The following GADL1 variants were observed in gnomAD, a reference collection of about 807,000 sequenced individuals.
GADL1 encodes GAD like acidic amino acid decarboxylase 1, also known as acidic amino acid decarboxylase GADL1.
A neutral mutation model predicts 69.5 loss-of-function variants in GADL1; 71 were observed. That is an observed-to-expected ratio of 1.02 (90% confidence interval 0.84 to 1.25). GADL1 has a LOEUF of 1.25. Among genes scored for constraint, GADL1 ranks in the 50% most tolerant of loss-of-function variants. The pLI, the probability that GADL1 is intolerant of heterozygous loss-of-function variation, is 0.00. For missense variants in GADL1, 737 were observed against 631.8 expected (o/e 1.17, Z -1.79); for synonymous variants, 254 against 214.4 (o/e 1.18, Z -1.62).
chr3:30,889,853 C>T (rs1698763573), intron 1 of GADL1, among the ~76,000 whole-genome samples: 2 of 152,142 alleles, frequency 1.3e-5, no homozygotes, highest in South Asian at 2.1e-4. Context: ...ACTGCATTCC[C>T]TCCTTGTAAA....
chr3:30,735,227 T>C (rs1319453227), intron 14 of GADL1, among the ~76,000 whole-genome samples: 1 of 152,176 alleles, frequency 6.6e-6, no homozygotes, highest in African/African-American at 2.4e-5. Context: ...TCTACGGCAA[T>C]TGTTTGTTAA....
chr3:30,777,107 C>T (rs947504585), intron 14 of GADL1, among the ~76,000 whole-genome samples: 3 of 152,126 alleles, frequency 2.0e-5, no homozygotes, highest in Non-Finnish European at 4.4e-5. Flanking sequence ...TTCTCAAGGG[C>T]AGAGACACGT....
rs141121731 is a variant in GADL1, at chr3:30,738,308, C to T, written c.1393-9893G>A. 4.2e-3 allele frequency among the ~76,000 whole-genome samples: 644 copies of T among 152,266 alleles called. 4 individuals are homozygous for T. Among genetic ancestry groups the T allele is most frequent in the African/African-American group, 0.015 (620 of 41,568 alleles). ...GGATGGTTGCAATGACTGTGGAGTG[C>T]TACTTGCAGTTAGTGTCTCATGGTT... On this transcript the variant is annotated intron_variant, in intron 14 of 14. Coordinates refer to ENST00000282538, the MANE Select transcript of GADL1 (RefSeq NM_207359.3).
At chr3:30,755,441 TAC>T (rs1446277531) in intron 14 of GADL1, among the ~76,000 whole-genome samples, 44 of 152,184 alleles carry the variant, frequency 2.9e-4, no homozygotes, top group Non-Finnish European at 5.9e-4. Context: ...CTGGAATAAA[TAC>T]AAAGATTATT....
intron 13 of GADL1, among the ~76,000 whole-genome samples, chr3:30,783,903 T>C (rs1261954824): frequency 6.6e-6 from 1 of 152,216 alleles, no homozygotes; most frequent in Non-Finnish European, 1.5e-5. Context: ...AACTTTTTAA[T>C]CGGCCCATCT....
rs375448169 is a variant in GADL1, at chr3:30,767,422, C to T, written c.1392+10757G>A. Among the ~76,000 whole-genome samples the T allele has an allele frequency of 5.3e-3, 807 of 152,046 alleles. 8 individuals carry two copies. The highest frequency in any genetic ancestry group is 0.018 in the African/African-American group (739 of 41,474). On this transcript the variant is annotated intron_variant, in intron 14 of 14. Coordinates refer to ENST00000282538, the MANE Select transcript of GADL1 (RefSeq NM_207359.3). ...TTGGTTCTTGGCACAAAAACAGAAA[C>T]GCAGATCAATAGAACAGATTGGAAA...
At chr3:30,861,288 CTA>C (rs1200792028) in intron 2 of GADL1, among the ~76,000 whole-genome samples, 2 of 151,172 alleles carry the variant, frequency 1.3e-5, no homozygotes, top group Admixed American at 1.3e-4. Flanking sequence ...GGTTACTTAT[CTA>C]TGTTATTATC....
At chr3:30,792,618 A>T (rs1236205183) in intron 12 of GADL1, among the ~76,000 whole-genome samples, 1 of 152,090 alleles carries the variant, frequency 6.6e-6, no homozygotes, top group Non-Finnish European at 1.5e-5. Context: ...GCCATTTGTC[A>T]AGCTGGTTGG....
At chr3:30,762,514 A>G (rs1465623938) in intron 14 of GADL1, among the ~76,000 whole-genome samples, 1 of 152,172 alleles carries the variant, frequency 6.6e-6, no homozygotes, top group Non-Finnish European at 1.5e-5. Context: ...AGGTGTATAT[A>G]ATTCTGGGGG....
At chr3:30,870,385 A>C (rs1698463736) in intron 1 of GADL1, among the ~76,000 whole-genome samples, 1 of 151,790 alleles carries the variant, frequency 6.6e-6, no homozygotes, top group East Asian at 1.9e-4. Context: ...AGCAATCAAT[A>C]AGCTGGCTTC....
intron 1 of GADL1, among the ~76,000 whole-genome samples, chr3:30,890,195 G>A (rs1006333395): frequency 9.9e-5 from 15 of 152,138 alleles, no homozygotes; most frequent in Non-Finnish European, 1.5e-4. Context: ...ATGCAAAAAT[G>A]AAAAGAACTT....
intron 14 of GADL1, among the ~76,000 whole-genome samples, chr3:30,762,009 G>C (rs920918458): frequency 2.0e-5 from 3 of 152,186 alleles, no homozygotes; most frequent in African/African-American, 7.2e-5. Flanking sequence ...CCGAGACAGT[G>C]AGTACAGGTC....
At chr3:30,874,157 G>A (rs1204429842) in intron 1 of GADL1, among the ~76,000 whole-genome samples, 1 of 151,836 alleles carries the variant, frequency 6.6e-6, no homozygotes, top group Non-Finnish European at 1.5e-5. Context: ...AGAGGGTGAG[G>A]CTGAAACTCA....
intron 14 of GADL1, among the ~76,000 whole-genome samples, chr3:30,773,488 T>TA (rs1424006041): frequency 6.6e-6 from 1 of 152,142 alleles, no homozygotes; most frequent in Admixed American, 6.6e-5. Flanking sequence ...ACTTTATCTC[T>TA]AAAAATATTT....
chr3:30,770,968 TAAGCA>T (rs1328254942), intron 14 of GADL1, among the ~76,000 whole-genome samples: 2 of 152,098 alleles, frequency 1.3e-5, no homozygotes, highest in Non-Finnish European at 2.9e-5. Flanking sequence ...AATCAGCAAA[TAAGCA>T]AAGTAATAAC....
At chr3:30,751,733 CTG>C (rs543573900) in intron 14 of GADL1, among the ~76,000 whole-genome samples, 181 of 152,278 alleles carry the variant, frequency 1.2e-3, no homozygotes, top group African/African-American at 4.2e-3. Context: ...CACTGAGAAA[CTG>C]AACTAGATTT....
chr3:30,867,164 C>A (rs111526798), intron 1 of GADL1, among the ~76,000 whole-genome samples: 2 of 151,790 alleles, frequency 1.3e-5, no homozygotes, highest in Non-Finnish European at 2.9e-5. Flanking sequence ...ATTCAGAATC[C>A]GGATTCCTAC....
intron 11 of GADL1, among the ~76,000 whole-genome samples, chr3:30,814,982 ATTT>A (rs71744579): frequency 1.1e-4 from 16 of 141,652 alleles, no homozygotes; most frequent in Admixed American, 7.2e-5. Flanking sequence ...AAAAAAAAAA[ATTT>A]TTTTCATTAA....
rs1313434018 is a variant in GADL1 at position 30,726,368 on chromosome 3, C to T, written c.*1874G>A. 6.6e-6 allele frequency: 1 copy of T among 152,128 alleles called. No individual in the cohort carries two copies. The highest frequency in any genetic ancestry group is 1.5e-5 in the Non-Finnish European group (1 of 68,014). 9.4% of individuals were successfully genotyped at this position (152,128 alleles called of 1,614,324 possible). On this transcript the variant is annotated 3_prime_UTR_variant, in exon 15 of 15. Transcript: ENST00000282538. ...ATGACAGGAAAAGAAAAGTCAACAA[C>T]ACTAAGTATAGTAATGTTCCTTTTT...
Sources: gnomAD v4.1 joint callset for allele counts (sites outside exome capture counted in the v4.1 genomes callset) on GRCh38, gnomAD v4.1.1 for gene constraint, MANE v1.5 for transcripts, NCBI Gene and HGNC (gene_info 2026-07-23, HGNC 2026-07-21) for gene names.